The following CDIN1 variants were observed in gnomAD, a reference collection of about 807,000 sequenced individuals.
CDIN1 encodes the protein CDAN1 interacting nuclease 1.
CDIN1 carries 33 observed loss-of-function variants against 45.3 expected under a neutral mutation model. That is an observed-to-expected ratio of 0.73 (90% confidence interval 0.55 to 0.97). CDIN1 has a LOEUF of 0.97. CDIN1 is among the 50% of genes least tolerant of loss of function. The probability of loss-of-function intolerance (pLI) is 0.00; values close to 1 mark genes in which losing one functional copy is unlikely to be tolerated. For missense variants in CDIN1, 303 were observed against 339.4 expected, an observed-to-expected ratio of 0.89 and a Z score of 0.84; for synonymous variants, 118 against 124.4, an observed-to-expected ratio of 0.95 and a Z score of 0.34.
At chr15:36,750,570 G>A (rs143150758) in intron 10 of CDIN1, among the ~76,000 whole-genome samples, 177 of 152,232 alleles carry the variant, frequency 1.2e-3, no homozygotes, top group Admixed American at 1.8e-3. Flanking sequence ...GGAGGGTGAC[G>A]TTGCTGATAG....
chr15:36,683,839 A>C (rs1469499059), intron 5 of CDIN1, among the ~76,000 whole-genome samples: 4 of 111,204 alleles, frequency 3.6e-5, no homozygotes, highest in Admixed American at 2.1e-4. Context: ...TCTTTGAAGC[A>C]ATTGTGAATG....
intron 1 of CDIN1, among the ~76,000 whole-genome samples, chr15:36,597,709 A>G (rs943259266): frequency 2.0e-5 from 3 of 152,186 alleles, no homozygotes. Flanking sequence ...TTATTCATCT[A>G]AAGTCACTCT....
chr15:36,711,455 A>G (rs919086291), intron 10 of CDIN1, among the ~76,000 whole-genome samples: 3 of 152,190 alleles, frequency 2.0e-5, no homozygotes, highest in Non-Finnish European at 2.9e-5. Flanking sequence ...AACATTCACC[A>G]TTTAGAGGCT....
intron 5 of CDIN1, chr15:36,658,457 C>G (rs946322722): frequency 6.6e-6 from 1 of 152,106 alleles, no homozygotes; most frequent in East Asian, 1.9e-4. Context: ...TAAGTGAGCT[C>G]TGGGGATGTG....
At chr15:36,675,365 A>T (rs2041610456) in intron 5 of CDIN1, among the ~76,000 whole-genome samples, 1 of 152,132 alleles carries the variant, frequency 6.6e-6, no homozygotes, top group Admixed American at 6.6e-5. Context: ...TGCCAAGGGT[A>T]CAAAATGCAA....
At chr15:36,702,357 T>A (rs2042676449) in intron 8 of CDIN1, among the ~76,000 whole-genome samples, 1 of 152,220 alleles carries the variant, frequency 6.6e-6, no homozygotes, top group Admixed American at 6.5e-5. Context: ...TGCTTCTCCC[T>A]GGCACTGAGA....
chr15:36,734,321 A>C, intron 10 of CDIN1: 1 of 403,450 alleles, frequency 2.5e-6, no homozygotes, highest in Non-Finnish European at 4.8e-6. Flanking sequence ...CATCCTTAGA[A>C]CAATACTAAT....
intron 10 of CDIN1, chr15:36,747,028 A>T (rs1337328702): frequency 2.5e-6 from 1 of 397,998 alleles, no homozygotes; most frequent in Non-Finnish European, 4.4e-6. Flanking sequence ...GAATTACAGG[A>T]GCGAGGAAAC....
chr15:36,582,337 TTACTC>T (rs1158860846), intron 1 of CDIN1, among the ~76,000 whole-genome samples: 15 of 152,360 alleles, frequency 9.8e-5, no homozygotes, highest in African/African-American at 3.6e-4. Context: ...TGCTTTGTAT[TTACTC>T]TAGTCATACA....
At chr15:36,599,631 A>C (rs2038004028) in intron 1 of CDIN1, among the ~76,000 whole-genome samples, 1 of 152,236 alleles carries the variant, frequency 6.6e-6, no homozygotes, top group Non-Finnish European at 1.5e-5. Context: ...AATTATGTTA[A>C]TCTGTCTTGC....
chr15:36,754,080 C>T (rs1187907074), intron 10 of CDIN1, among the ~76,000 whole-genome samples: 2 of 152,088 alleles, frequency 1.3e-5, no homozygotes, highest in African/African-American at 2.4e-5. Context: ...AATATCCTGC[C>T]GTTTTGTACA....
intron 8 of CDIN1, 99 bp downstream of exon 8, chr15:36,697,489 T>A: frequency 2.1e-6 from 2 of 959,938 alleles, no homozygotes; most frequent in East Asian, 2.5e-5. Context: ...GAATGATGAT[T>A]GATGCTGTGC....
At chr15:36,706,346 C>G (rs1216140731) in intron 8 of CDIN1, 1 of 152,138 alleles carries the variant, frequency 6.6e-6, no homozygotes, top group Non-Finnish European at 1.5e-5. Context: ...GGCATGGTGG[C>G]TCATGCCTGT....
chr15:36,598,940 G>A (rs1257673235), intron 1 of CDIN1, among the ~76,000 whole-genome samples: 1 of 152,100 alleles, frequency 6.6e-6, no homozygotes, highest in Non-Finnish European at 1.5e-5. Flanking sequence ...TCCTTTGGAT[G>A]GGAGCTGTGT....
chr15:36,689,339 G>A (rs1480588654), intron 5 of CDIN1, among the ~76,000 whole-genome samples: 1 of 152,022 alleles, frequency 6.6e-6, no homozygotes, highest in East Asian at 1.9e-4. Context: ...TTAGCCAGGA[G>A]TTTGCATATA....
intron 10 of CDIN1, among the ~76,000 whole-genome samples, chr15:36,774,164 G>GTGCGCGCA (rs1555407096): frequency 9.2e-5 from 1 of 10,838 alleles, no homozygotes; most frequent in East Asian, 4.3e-3. Context: ...GTGTGTGTGT[G>GTGCGCGCA]CGCGCGCGCG....
chr15:36,797,493 T>C (rs554290539), intron 10 of CDIN1, among the ~76,000 whole-genome samples: 8 of 152,150 alleles, frequency 5.3e-5, no homozygotes, highest in Non-Finnish European at 1.0e-4. Flanking sequence ...AGCCACCACT[T>C]TAACCATCAG....
At chr15:36,629,686 CTTCTGT>C (rs1170284353) in intron 1 of CDIN1, among the ~76,000 whole-genome samples, 1 of 152,178 alleles carries the variant, frequency 6.6e-6, no homozygotes, top group Non-Finnish European at 1.5e-5. Context: ...AATCCAGTCA[CTTCTGT>C]TTTCCTCTGC....
At chr15:36,719,343 A>G (rs1286149406) in intron 10 of CDIN1, among the ~76,000 whole-genome samples, 2 of 152,082 alleles carry the variant, frequency 1.3e-5, no homozygotes, top group East Asian at 3.9e-4. Context: ...TTGGTGTTGG[A>G]TTTTTGTCAA....
Sources: allele counts gnomAD v4.1 joint callset (sites outside exome capture counted in the v4.1 genomes callset), GRCh38; gene constraint gnomAD v4.1.1; transcripts MANE v1.5; gene names NCBI Gene and HGNC (gene_info 2026-07-23, HGNC 2026-07-21).